COL6A2: variants seen among roughly 807,000 people sequenced by gnomAD.
COL6A2 encodes collagen alpha-2(VI) chain.
In COL6A2, 90 loss-of-function variants were observed where a neutral mutation model predicts 124.9. That is an observed-to-expected ratio of 0.72 (90% CI 0.61 to 0.86). The LOEUF is 0.86. Among genes scored for constraint, COL6A2 ranks in the 40% least tolerant of loss-of-function variants. The pLI is 0.00. For missense variants in COL6A2, 1,607 were observed against 1,502.5 expected (o/e 1.07, Z -1.15); for synonymous variants, 793 against 618.2 (o/e 1.28, Z -4.19).
chr21:46,111,955 C>A (rs369332066), intron 2 of COL6A2, 24 bp from the exon 3 acceptor site: 2 of 1,605,242 alleles, frequency 1.2e-6, no homozygotes, highest in Admixed American at 3.3e-5. Flanking sequence ...GAGGCTGGCT[C>A]GTGACAGGTC....
chr21:46,129,458 G>A lies in COL6A2; in HGVS notation c.2462-2496G>A, dbSNP rs758563022. 1 of 1,600,810 alleles carries A rather than the reference G, an allele frequency of 6.2e-7. No individual in the cohort carries two copies. The highest frequency in any genetic ancestry group is 8.5e-7 in the Non-Finnish European group (1 of 1,171,634). Reference sequence around the variant, plus strand: ...TTAAGCTGGTGCACAGGGACATCGTGGGGGACCCCGAGACCGCGCTGGCCC... The same window carrying A: ...TTAAGCTGGTGCACAGGGACATCGTAGGGGACCCCGAGACCGCGCTGGCCC... On this transcript the variant is annotated intron_variant, in intron 27 of 27. Coordinates refer to ENST00000300527, the MANE Select transcript of COL6A2 (RefSeq NM_001849.4).
intron 21 of COL6A2, among the ~76,000 whole-genome samples, 198 bp from the exon 22 acceptor site, chr21:46,124,453 G>T (rs553447893): frequency 1.3e-5 from 2 of 152,036 alleles, no homozygotes; most frequent in Admixed American, 1.3e-4. Context: ...AGGCTCTGAC[G>T]GTGGCCACTC....
chr21:46,122,658 G>A, intron 20 of COL6A2, 127 bp downstream of exon 20: 8 of 1,152,978 alleles, frequency 6.9e-6, no homozygotes, highest in Non-Finnish European at 1.0e-5. Context: ...GGCTCCCCAA[G>A]GCCCAGCCAT....
In COL6A2 at chr21:46,100,681, C is replaced by T. The variant is rs561173121; in HGVS notation, c.-28+2508C>T. Among the ~76,000 whole-genome samples, 7 of 114,796 alleles carry T rather than the reference C, an allele frequency of 6.1e-5. No homozygotes were observed. The South Asian group carries it at 9.9e-4, about 16-fold the overall frequency. The allele number at this position is 114,796 out of a possible 152,430, so 75.3% of individuals were successfully genotyped here. On this transcript the variant is annotated intron_variant, in intron 1 of 27. Transcript: ENST00000300527. ...CTCCTTTTGTGACTGGCTTATTTCA[C>T]GTGGCTTAATGTCCTCCAGATTGAT...
In COL6A2 at chr21:46,117,514, G is replaced by A. The variant is rs1202911636; in HGVS notation, c.1053+61G>A. On this transcript the variant is annotated intron_variant, in intron 11 of 27. Transcript: ENST00000300527. ...CCAGGGGGTGTGGGTGCCTGACCGGGTGGGAGGGTAGTTGCTGCTGCAGTG... is the reference window on the plus strand; with the variant it reads ...CCAGGGGGTGTGGGTGCCTGACCGGATGGGAGGGTAGTTGCTGCTGCAGTG... The A allele has an allele frequency of 2.6e-6, 4 of 1,545,502 alleles. No homozygotes were observed. The East Asian group carries it at 9.0e-5, about 35-fold the overall frequency.
chr21:46,128,115 G>C (rs2078701614), intron 27 of COL6A2, among the ~76,000 whole-genome samples: 1 of 152,214 alleles, frequency 6.6e-6, no homozygotes. Flanking sequence ...CTCCTCCCCA[G>C]ACGGTGACAT....
chr21:46,117,816 C>T, intron 11 of COL6A2, 58 bp from the exon 12 acceptor site: 3 of 1,553,290 alleles, frequency 1.9e-6, no homozygotes, highest in Admixed American at 1.9e-5. Context: ...TGGGCCCTGG[C>T]TCATGGGGAG....
chr21:46,124,523 C>T, intron 21 of COL6A2, 128 bp from the exon 22 acceptor site: 1 of 805,622 alleles, frequency 1.2e-6, no homozygotes, highest in Non-Finnish European at 2.1e-6. Flanking sequence ...TTGTCTTACT[C>T]CTTGCACCTG....
chr21:46,112,840 C>T lies in COL6A2; in HGVS notation c.735+16C>T, dbSNP rs1444297794. 3 of 1,613,528 alleles carry T rather than the reference C, an allele frequency of 1.9e-6. No homozygotes were observed. The highest frequency in any genetic ancestry group is 1.7e-6 in the Non-Finnish European group (2 of 1,180,030). On this transcript the variant is annotated intron_variant, in intron 4 of 27. Transcript: ENST00000300527. ...CTACGGAGAGGTGAGTGGCGCTTCC[C>T]TTCCTGCCAGTGCTGGCCGGCAGCT... is the stretch of plus-strand genomic sequence containing the variant.
intron 27 of COL6A2, among the ~76,000 whole-genome samples, chr21:46,130,758 C>T (rs146303986): frequency 2.3e-4 from 35 of 152,306 alleles, no homozygotes; most frequent in African/African-American, 7.0e-4. Flanking sequence ...GGAAGCCCAG[C>T]GGTACCTGAG....
At position 46,124,656 on chromosome 21, in the gene COL6A2, T is replaced by C. The variant is rs2078631191; in HGVS notation, c.1677T>C (p.Asp559=). The C allele has an allele frequency of 6.2e-7, 1 of 1,612,762 alleles. No individual in the cohort carries two copies. The highest frequency in any genetic ancestry group is 1.3e-5 in the African/African-American group (1 of 74,864). ...CTGTTCTTGTTCCTTCTCAGGCGGA[T>C]CCTGGTCCCCCTGGTGAGCCAGGCC... ...GRKGEKGEPA[D]PGPPGEPGPR... The change falls in exon 22 of 28, where the codon GAT becomes GAC. Residue 559 remains aspartate, a synonymous_variant. Transcript: ENST00000300527.
intron 27 of COL6A2, among the ~76,000 whole-genome samples, chr21:46,131,311 C>T (rs73161629): frequency 0.063 from 9,552 of 152,322 alleles, 405 homozygotes; most frequent in Middle Eastern, 0.11. Context: ...GTCCCCGATG[C>T]CCAGGGCTGG....
intron 27 of COL6A2, chr21:46,129,379 A>G: frequency 6.2e-7 from 1 of 1,613,018 alleles, no homozygotes; most frequent in South Asian, 1.1e-5. Context: ...GAGCGGGCCA[A>G]GTTCGCCACC....
intron 27 of COL6A2, among the ~76,000 whole-genome samples, chr21:46,131,266 G>A (rs2078756662): frequency 1.3e-5 from 2 of 152,222 alleles, no homozygotes; most frequent in South Asian, 4.1e-4. Flanking sequence ...TAGGCAGCCT[G>A]GCCTGGGTTG....
chr21:46,114,167 C>T (rs1202385366), intron 5 of COL6A2, 94 bp downstream of exon 5: 15 of 1,060,088 alleles, frequency 1.4e-5, no homozygotes, highest in Non-Finnish European at 2.2e-5. Context: ...TGGCTCATAC[C>T]TGTAATCCCA....
At chr21:46,113,878 G>A (rs897375448) in intron 4 of COL6A2, 130 bp from the exon 5 acceptor site, 1 of 782,970 alleles carries the variant, frequency 1.3e-6, no homozygotes, top group African/African-American at 1.7e-5. Context: ...CGCCCGCCCA[G>A]GTTCTCAGGG....
At chr21:46,111,889 C>G in intron 2 of COL6A2, 90 bp from the exon 3 acceptor site, 2 of 1,407,050 alleles carry the variant, frequency 1.4e-6, no homozygotes, top group Non-Finnish European at 2.0e-6. Context: ...GCAGTGAGGT[C>G]AAACCCACAA....
chr21:46,123,897 AGATGGATGGGTGGGTGGATAGAG>A (rs949165300), intron 21 of COL6A2, among the ~76,000 whole-genome samples: 6 of 135,554 alleles, frequency 4.4e-5, no homozygotes, highest in South Asian at 4.8e-4. Flanking sequence ...GTCAGTGGAT[AGATGGATGGGTGGGTGGATAGAG>A]GATGGATGGT....
chr21:46,125,237 G>T (rs753306375), intron 23 of COL6A2, 29 bp from the exon 24 acceptor site: 2 of 1,609,356 alleles, frequency 1.2e-6, no homozygotes, highest in Non-Finnish European at 1.7e-6. Flanking sequence ...GCCCCGGGGG[G>T]ACTACCCTGC....
Sources: allele counts gnomAD v4.1 joint callset (sites outside exome capture counted in the v4.1 genomes callset), GRCh38; gene constraint gnomAD v4.1.1; transcripts MANE v1.5; gene names NCBI Gene and HGNC (gene_info 2026-07-23, HGNC 2026-07-21).